The following COP1 variants were observed in gnomAD, a reference collection of about 807,000 sequenced individuals.
The protein encoded by COP1 is E3 ubiquitin-protein ligase COP1.
In COP1, 24 loss-of-function variants were observed where a neutral mutation model predicts 101.3. The observed-to-expected ratio is 0.24, with a 90% confidence interval of 0.17 to 0.33. The LOEUF (loss-of-function observed/expected upper bound fraction) is 0.33. COP1 is among the 10% of genes least tolerant of loss of function. The pLI is 1.00. For missense variants in COP1, 663 were observed against 906.2 expected, an observed-to-expected ratio of 0.73 and a Z score of 3.45; for synonymous variants, 347 against 341.9, an observed-to-expected ratio of 1.01 and a Z score of -0.17.
intron 2 of COP1, among the ~76,000 whole-genome samples, chr1:176,176,936 G>GA (rs988766548): frequency 3.9e-5 from 6 of 152,092 alleles, no homozygotes; most frequent in African/African-American, 1.4e-4. Flanking sequence ...CAAGTTGCAG[G>GA]AAAAACCTTA....
At chr1:176,001,256 C>A (rs1348445370) in intron 15 of COP1, among the ~76,000 whole-genome samples, 1 of 152,088 alleles carries the variant, frequency 6.6e-6, no homozygotes, top group East Asian at 1.9e-4. Flanking sequence ...TCATCAGAAA[C>A]ATCTATTTCA....
chr1:175,955,766 CCACA>C lies in COP1; in HGVS notation c.2134-8531_2134-8528del, dbSNP rs60306255. Reference sequence around the variant, plus strand: ...AAAGCATGAATCATTTAGAGACAAACCACACACACACACACACACACACACACAC... The same window carrying C: ...AAAGCATGAATCATTTAGAGACAAACCACACACACACACACACACACACAC... On this transcript the variant is annotated intron_variant, in intron 18 of 19. Coordinates refer to ENST00000367669, the MANE Select transcript of COP1 (RefSeq NM_022457.7). 1.1e-3 allele frequency among the ~76,000 whole-genome samples: 141 copies of C among 129,286 alleles called. 1 individual carries two copies. The Middle Eastern group carries it at 0.012, about 11-fold the overall frequency. The allele number at this position is 129,286 out of a possible 152,430, so 84.8% of individuals were successfully genotyped here. A position where few individuals can be genotyped will look rare whatever the true frequency, so the allele number is the denominator to read the frequency against.
chr1:175,946,219 T>G (rs1649152139), intron 19 of COP1, among the ~76,000 whole-genome samples: 1 of 152,134 alleles, frequency 6.6e-6, no homozygotes, highest in South Asian at 2.1e-4. Context: ...TCGTTTTCAT[T>G]TAAGCTCTCA....
chr1:175,980,275 C>CTTATATT (rs879441130), intron 18 of COP1, among the ~76,000 whole-genome samples: 16,235 of 151,574 alleles, frequency 0.11, 970 homozygotes, highest in Middle Eastern at 0.16. Flanking sequence ...TACATGAACA[C>CTTATATT]AAATACAATA....
At chr1:176,102,971 TA>T (rs1307537374) in intron 9 of COP1, among the ~76,000 whole-genome samples, 1 of 152,152 alleles carries the variant, frequency 6.6e-6, no homozygotes, top group Non-Finnish European at 1.5e-5. Context: ...CAAATTATCC[TA>T]AAAATCTCTG....
chr1:175,993,604 C>T (rs1659270000), intron 15 of COP1, among the ~76,000 whole-genome samples: 1 of 152,056 alleles, frequency 6.6e-6, no homozygotes, highest in African/African-American at 2.4e-5. Context: ...AATGCAGAAC[C>T]CTCAGGAGCC....
intron 18 of COP1, among the ~76,000 whole-genome samples, chr1:175,961,247 G>T (rs1166071508): frequency 6.6e-6 from 1 of 152,130 alleles, no homozygotes; most frequent in Non-Finnish European, 1.5e-5. Context: ...AACTATACAT[G>T]TCCTATTACT....
intron 6 of COP1, among the ~76,000 whole-genome samples, chr1:176,140,323 G>T (rs1203205087): frequency 1.3e-5 from 2 of 152,146 alleles, no homozygotes; most frequent in Non-Finnish European, 2.9e-5. Context: ...GCATGGTGTT[G>T]TCCTGACAGA....
At chr1:176,112,297 G>A (rs1242553564) in intron 9 of COP1, among the ~76,000 whole-genome samples, 1 of 150,408 alleles carries the variant, frequency 6.6e-6, no homozygotes, top group Non-Finnish European at 1.5e-5. Flanking sequence ...TTGATTCAAG[G>A]ATCTACATTT....
intron 14 of COP1, among the ~76,000 whole-genome samples, chr1:176,036,809 G>GGCTAA (rs1444931007): frequency 1.3e-5 from 2 of 152,186 alleles, no homozygotes; most frequent in African/African-American, 4.8e-5. Flanking sequence ...AGGTAGGTTA[G>GGCTAA]GCTAAGCTAC....
intron 18 of COP1, among the ~76,000 whole-genome samples, chr1:175,962,643 T>C (rs1651514712): frequency 6.6e-6 from 1 of 152,200 alleles, no homozygotes; most frequent in Admixed American, 6.5e-5. Flanking sequence ...ATGCCTTTTC[T>C]GTTAATCCAT....
chr1:176,163,899 CAG>C lies in COP1; in HGVS notation c.566-10_566-9del. 2 of 1,574,246 alleles carry C rather than the reference CAG, an allele frequency of 1.3e-6. No individual in the cohort carries two copies. The highest frequency in any genetic ancestry group is 1.9e-4 in the Middle Eastern group (1 of 5,176). On this transcript the variant is annotated splice_polypyrimidine_tract_variant and intron_variant, in intron 3 of 19. Coordinates refer to ENST00000367669, the MANE Select transcript of COP1 (RefSeq NM_022457.7). ...TAAGAATGAGTTCATTCACTGAAAA[CAG>C]AAACAAAATAAAAAGCACACATAAT...
At chr1:176,199,043 T>C (rs1244580440) in intron 1 of COP1, among the ~76,000 whole-genome samples, 2 of 151,772 alleles carry the variant, frequency 1.3e-5, no homozygotes, top group Non-Finnish European at 2.9e-5. Context: ...GGTGGCCGGG[T>C]GTGGTGGCTC....
intron 1 of COP1, among the ~76,000 whole-genome samples, chr1:176,195,977 A>T (rs1699640480): frequency 6.6e-6 from 1 of 152,214 alleles, no homozygotes; most frequent in African/African-American, 2.4e-5. Context: ...CACGCAATAT[A>T]CCCACGTAAC....
chr1:176,176,033 G>T, intron 2 of COP1, 26 bp from the exon 3 acceptor site: 2 of 1,126,998 alleles, frequency 1.8e-6, no homozygotes, highest in Non-Finnish European at 2.7e-6. Flanking sequence ...GAAAAAAAAG[G>T]CTTAATTAAA....
chr1:176,063,481 T>C (rs1675355449), intron 11 of COP1, among the ~76,000 whole-genome samples: 1 of 152,248 alleles, frequency 6.6e-6, no homozygotes, highest in African/African-American at 2.4e-5. Flanking sequence ...CTTGTGATTT[T>C]ATATTTCTTA....
chr1:176,027,326 C>A (rs1253421726), intron 15 of COP1, among the ~76,000 whole-genome samples: 1 of 152,024 alleles, frequency 6.6e-6, no homozygotes, highest in Non-Finnish European at 1.5e-5. Context: ...TGCATATAAA[C>A]ACTAAGAAAA....
At chr1:176,136,464 T>G (rs773493949) in intron 7 of COP1, 24 bp downstream of exon 7, 10 of 1,498,214 alleles carry the variant, frequency 6.7e-6, no homozygotes, top group South Asian at 1.2e-5. Context: ...TTGCTAAGGA[T>G]GTGAGAAATT....
At chr1:176,059,079 T>C (rs1674388567) in intron 11 of COP1, among the ~76,000 whole-genome samples, 1 of 152,220 alleles carries the variant, frequency 6.6e-6, no homozygotes, top group Admixed American at 6.5e-5. Context: ...GTTGCAGATC[T>C]CAGCTGTGCT....
Sources: allele counts gnomAD v4.1 joint callset (sites outside exome capture counted in the v4.1 genomes callset), GRCh38; gene constraint gnomAD v4.1.1; transcripts MANE v1.5; gene names NCBI Gene and HGNC (gene_info 2026-07-23, HGNC 2026-07-21).